The following EPHA6 variants were observed in gnomAD, a reference collection of about 807,000 sequenced individuals.
The protein encoded by EPHA6 is ephrin type-A receptor 6.
EPHA6 carries 50 observed loss-of-function variants against 112.0 expected under a neutral mutation model. The observed-to-expected ratio is 0.45, with a 90% confidence interval of 0.36 to 0.56. The LOEUF (loss-of-function observed/expected upper bound fraction) is 0.56. Ranked by LOEUF, EPHA6 falls within the 20% of genes least tolerant of loss-of-function variation. The pLI is 0.00. For missense variants in EPHA6, 1,280 were observed against 1,417.4 expected (o/e 0.90, Z 1.56); for synonymous variants, 529 against 490.7 (o/e 1.08, Z -1.03).
At chr3:97,224,311 G>A (rs1373865864) in intron 3 of EPHA6, among the ~76,000 whole-genome samples, 2 of 152,150 alleles carry the variant, frequency 1.3e-5, no homozygotes, top group Admixed American at 6.5e-5. Context: ...CTAGTTATGA[G>A]ACTGTTCTCA....
intron 1 of EPHA6, among the ~76,000 whole-genome samples, chr3:96,836,628 T>C (rs2034431371): frequency 6.6e-6 from 1 of 152,172 alleles, no homozygotes; most frequent in Non-Finnish European, 1.5e-5. Context: ...TTCCAAAAAC[T>C]GTGATTCATG....
intron 3 of EPHA6, among the ~76,000 whole-genome samples, chr3:97,012,485 A>G (rs1472604564): frequency 1.3e-5 from 2 of 149,772 alleles, no homozygotes; most frequent in African/African-American, 4.9e-5. Context: ...CACCTGCCCA[A>G]CTAATTATGT....
chr3:97,076,649 G>T (rs75056933), intron 3 of EPHA6, among the ~76,000 whole-genome samples: 1,907 of 152,258 alleles, frequency 0.013, 37 homozygotes, highest in African/African-American at 0.044. Flanking sequence ...TATTGGAAGA[G>T]GATGCTCTCT....
chr3:97,363,397 A>G (rs1372991078), intron 5 of EPHA6, among the ~76,000 whole-genome samples: 3 of 151,088 alleles, frequency 2.0e-5, no homozygotes, highest in Non-Finnish European at 4.4e-5. Flanking sequence ...TACCAGGGTT[A>G]GACATCTCAC....
intron 3 of EPHA6, among the ~76,000 whole-genome samples, chr3:97,174,638 G>T (rs542963881): frequency 2.6e-5 from 4 of 151,742 alleles, no homozygotes; most frequent in Admixed American, 1.3e-4. Flanking sequence ...TTGCATTTCT[G>T]TAATGATCAG....
At chr3:97,516,287 G>A (rs533635047) in intron 10 of EPHA6, among the ~76,000 whole-genome samples, 23 of 152,216 alleles carry the variant, frequency 1.5e-4, no homozygotes, top group African/African-American at 4.3e-4. Flanking sequence ...TTCTAAGATC[G>A]TGTCCTGACA....
At chr3:97,262,249 C>T (rs1257567752) in intron 5 of EPHA6, among the ~76,000 whole-genome samples, 1 of 152,056 alleles carries the variant, frequency 6.6e-6, no homozygotes, top group Non-Finnish European at 1.5e-5. Context: ...TAAATTGGAG[C>T]AGGCTATAAA....
intron 3 of EPHA6, among the ~76,000 whole-genome samples, chr3:96,993,521 C>T (rs975921780): frequency 2.0e-5 from 3 of 152,124 alleles, no homozygotes; most frequent in Non-Finnish European, 4.4e-5. Context: ...GCATGAGCCA[C>T]TGCTCCTGGC....
At chr3:97,412,015 G>T (rs1453595662) in intron 6 of EPHA6, among the ~76,000 whole-genome samples, 2 of 152,004 alleles carry the variant, frequency 1.3e-5, no homozygotes, top group Non-Finnish European at 2.9e-5. Context: ...GATTTCAGAG[G>T]AGGAGGGCAG....
intron 10 of EPHA6, among the ~76,000 whole-genome samples, chr3:97,525,545 T>C (rs946122089): frequency 6.6e-6 from 1 of 152,208 alleles, no homozygotes; most frequent in South Asian, 2.1e-4. Flanking sequence ...TGGTGTCATG[T>C]TTGCTTCATT....
chr3:97,432,234 C>A (rs1377809049), intron 6 of EPHA6, among the ~76,000 whole-genome samples: 5 of 152,098 alleles, frequency 3.3e-5, no homozygotes, highest in African/African-American at 1.2e-4. Context: ...ACAACAAATG[C>A]AATTCCATCC....
chr3:97,506,955 A>T (rs1302378861), intron 10 of EPHA6, among the ~76,000 whole-genome samples: 1 of 151,788 alleles, frequency 6.6e-6, no homozygotes, highest in African/African-American at 2.4e-5. Context: ...TTCACTCATG[A>T]TTTTTCTCTC....
chr3:97,418,460 G>A (rs887991854), intron 6 of EPHA6, among the ~76,000 whole-genome samples: 12 of 151,964 alleles, frequency 7.9e-5, no homozygotes, highest in African/African-American at 2.7e-4. Context: ...TAAAAATTAG[G>A]CATATAGAAG....
intron 14 of EPHA6, among the ~76,000 whole-genome samples, chr3:97,641,131 G>T (rs1053478678): frequency 1.3e-4 from 20 of 152,182 alleles, no homozygotes; most frequent in African/African-American, 4.8e-4. Flanking sequence ...CTGGCTAATG[G>T]TATTAGATTA....
At chr3:97,490,688 G>A (rs2091817321) in intron 10 of EPHA6, among the ~76,000 whole-genome samples, 1 of 152,150 alleles carries the variant, frequency 6.6e-6, no homozygotes, top group Non-Finnish European at 1.5e-5. Flanking sequence ...ACAACTTTTA[G>A]CCCTTATATT....
chr3:96,918,891 G>A (rs1020854789), intron 2 of EPHA6, among the ~76,000 whole-genome samples: 1 of 151,912 alleles, frequency 6.6e-6, no homozygotes, highest in African/African-American at 2.4e-5. Flanking sequence ...AAAAATGTTT[G>A]TAGCTATAAA....
intron 3 of EPHA6, among the ~76,000 whole-genome samples, chr3:97,071,675 A>T (rs1654787757): frequency 6.6e-6 from 1 of 152,038 alleles, no homozygotes; most frequent in Non-Finnish European, 1.5e-5. Flanking sequence ...ATTCTGGGAG[A>T]TATAATTCAA....
At chr3:97,506,984 AG>A (rs1013753490) in intron 10 of EPHA6, among the ~76,000 whole-genome samples, 1 of 152,148 alleles carries the variant, frequency 6.6e-6, no homozygotes, top group Non-Finnish European at 1.5e-5. Flanking sequence ...ATTGGTGTAG[AG>A]GAATGCTTGT....
intron 7 of EPHA6, among the ~76,000 whole-genome samples, chr3:97,471,502 C>A (rs2091227044): frequency 6.6e-6 from 1 of 151,606 alleles, no homozygotes; most frequent in Non-Finnish European, 1.5e-5. Flanking sequence ...AAATTCTTAA[C>A]CTTAGACTCA....
Sources: allele counts gnomAD v4.1 joint callset (sites outside exome capture counted in the v4.1 genomes callset), GRCh38; gene constraint gnomAD v4.1.1; transcripts MANE v1.5; gene names NCBI Gene and HGNC (gene_info 2026-07-23, HGNC 2026-07-21).